The following NCOA2 variants were observed in gnomAD, a reference collection of about 807,000 sequenced individuals.
The protein encoded by NCOA2 is class E basic helix-loop-helix protein 75.
A neutral mutation model predicts 145.1 loss-of-function variants in NCOA2; 21 were observed. The ratio of observed to expected loss-of-function variants is 0.14; its 90% CI spans 0.10 to 0.21. The LOEUF (loss-of-function observed/expected upper bound fraction) is 0.21, where lower values mean the gene tolerates loss of function less well. Ranked by LOEUF, NCOA2 falls within the 10% of genes least tolerant of loss-of-function variation. The pLI is 1.00. For synonymous variants in NCOA2, 619 were observed against 637.5 expected (o/e 0.97, Z 0.44); for missense variants, 1,472 against 1,837.6 (o/e 0.80, Z 3.64).
intron 1 of NCOA2, among the ~76,000 whole-genome samples, chr8:70,389,237 C>G (rs979585051): frequency 6.6e-6 from 1 of 152,118 alleles, no homozygotes; most frequent in Non-Finnish European, 1.5e-5. Flanking sequence ...CAGAGCCACT[C>G]AGTGTGCAAC....
intron 2 of NCOA2, among the ~76,000 whole-genome samples, chr8:70,222,416 T>C (rs1304185342): frequency 6.6e-6 from 1 of 152,218 alleles, no homozygotes; most frequent in East Asian, 1.9e-4. Flanking sequence ...CCTTCTCTTA[T>C]GCTGTGTCTT....
At chr8:70,442,140 A>AAAGAAAGAAAGAAAGAAAGAAAGG in the NCOA2 span, among the ~76,000 whole-genome samples, 11 of 125,198 alleles carry the variant, frequency 8.8e-5, no homozygotes, top group African/African-American at 4.2e-4. Flanking sequence ...AGAAAGAAAG[A>AAAGAAAGAAAGAAAGAAAGAAAGG]AAGAAAGAAA....
intron 11 of NCOA2, among the ~76,000 whole-genome samples, chr8:70,153,900 G>A (rs940964518): frequency 2.0e-5 from 3 of 152,132 alleles, no homozygotes; most frequent in African/African-American, 4.8e-5. Context: ...ATTTGGCTCC[G>A]CTTCCCTTGT....
In NCOA2 at chr8:70,374,694, C is replaced by T. The variant is rs532580447; in HGVS notation, c.-77+29006G>A. Reference sequence around the variant, plus strand: ...GTGTGCACCTATACTCCCAGCTATTCGGGAGGCTGAGGTGGGAAGATCGCT... The same window carrying T: ...GTGTGCACCTATACTCCCAGCTATTTGGGAGGCTGAGGTGGGAAGATCGCT... On this transcript the variant is annotated intron_variant, in intron 1 of 22. Coordinates refer to ENST00000452400, the MANE Select transcript of NCOA2 (RefSeq NM_006540.4). Among the ~76,000 whole-genome samples the T allele has an allele frequency of 1.0e-4, 15 of 150,000 alleles. No homozygotes were observed. The South Asian group carries it at 1.5e-3, about 15-fold the overall frequency.
intron 2 of NCOA2, among the ~76,000 whole-genome samples, chr8:70,221,136 C>T (rs1820099807): frequency 6.6e-6 from 1 of 152,188 alleles, no homozygotes; most frequent in Non-Finnish European, 1.5e-5. Context: ...TCTGAGCTCT[C>T]TTTACGATAG....
At chr8:70,157,761 C>T (rs527840717) in intron 10 of NCOA2, among the ~76,000 whole-genome samples, 10 of 152,306 alleles carry the variant, frequency 6.6e-5, no homozygotes, top group African/African-American at 2.4e-4. Context: ...TCTGCCAGTT[C>T]TAGAACTAAT....
At chr8:70,440,759 GAGGAAAGAA>G in the NCOA2 span, among the ~76,000 whole-genome samples, 2 of 137,904 alleles carry the variant, frequency 1.5e-5, no homozygotes, top group Admixed American at 7.3e-5. Context: ...AAGAGAGAAA[GAGGAAAGAA>G]AGGAAAGAAA....
At chr8:70,240,464 C>T (rs1321593831) in intron 2 of NCOA2, among the ~76,000 whole-genome samples, 3 of 152,134 alleles carry the variant, frequency 2.0e-5, no homozygotes, top group Non-Finnish European at 4.4e-5. Context: ...TGTTTCAGAT[C>T]TCATACTGTA....
intron 2 of NCOA2, among the ~76,000 whole-genome samples, chr8:70,264,843 C>A (rs897239842): frequency 6.6e-6 from 1 of 150,820 alleles, no homozygotes; most frequent in African/African-American, 2.5e-5. Flanking sequence ...CAAAAAAAAA[C>A]CCATAATGTT....
At chr8:70,194,676 CTTT>C (rs199803538) in intron 4 of NCOA2, among the ~76,000 whole-genome samples, 21 of 109,856 alleles carry the variant, frequency 1.9e-4, no homozygotes, top group African/African-American at 3.9e-4. Flanking sequence ...CTTTTATCTT[CTTT>C]TTTTTTTTTT....
chr8:70,297,978 C>A (rs974731962), intron 1 of NCOA2, among the ~76,000 whole-genome samples: 1 of 152,024 alleles, frequency 6.6e-6, no homozygotes, highest in South Asian at 2.1e-4. Context: ...CTACTAGTAA[C>A]GATACTGAAA....
intron 1 of NCOA2, among the ~76,000 whole-genome samples, chr8:70,306,973 G>C (rs762912736): frequency 6.6e-6 from 1 of 152,100 alleles, no homozygotes; most frequent in Non-Finnish European, 1.5e-5. Context: ...AATCCAGGTC[G>C]TTCTGAATTC....
chr8:70,165,770 C>T (rs925871678), intron 7 of NCOA2, among the ~76,000 whole-genome samples: 9 of 152,124 alleles, frequency 5.9e-5, no homozygotes, highest in African/African-American at 2.2e-4. Flanking sequence ...TACATGGATT[C>T]CATTAACCCC....
chr8:70,346,201 C>T lies in NCOA2; in HGVS notation c.-76-49401G>A, dbSNP rs181330381. Among the ~76,000 whole-genome samples the T allele has an allele frequency of 1.7e-3, 261 of 152,294 alleles. 2 individuals carry two copies. Among genetic ancestry groups the T allele is most frequent in the African/African-American group, 5.6e-3 (232 of 41,574 alleles). ...TTTTATCAAGAGTAGAATAATTTCA[C>T]GTGTATCTCCTTCTTTGAAGCCACA... On this transcript the variant is annotated intron_variant, in intron 1 of 22. Transcript: ENST00000452400.
intron 10 of NCOA2, among the ~76,000 whole-genome samples, chr8:70,159,023 G>A (rs1812588044): frequency 6.6e-6 from 1 of 150,834 alleles, no homozygotes; most frequent in Admixed American, 6.6e-5. Context: ...GTTATATGGG[G>A]GACTGGTTCT....
chr8:70,246,271 T>C (rs574997409), intron 2 of NCOA2, among the ~76,000 whole-genome samples: 3 of 152,270 alleles, frequency 2.0e-5, no homozygotes, highest in Non-Finnish European at 4.4e-5. Context: ...TATGGTTTGT[T>C]TCACATTAAA....
rs201704083 is a variant in NCOA2, at chr8:70,274,205, G to GA, written c.-20+22538dup. ...AGGTGGTATAAAGTTCTCATGTTTG[G>GA]AAAAAAAAAAAAAAAAACCTTACAT... On this transcript the variant is annotated intron_variant, in intron 2 of 22. Coordinates refer to ENST00000452400, the MANE Select transcript of NCOA2 (RefSeq NM_006540.4). 7.4e-3 allele frequency among the ~76,000 whole-genome samples: 834 copies of GA among 112,034 alleles called. 1 individual carries two copies. Among genetic ancestry groups the GA allele is most frequent in the Middle Eastern group, 0.013 (3 of 236 alleles). 73.5% of individuals were successfully genotyped at this position (112,034 alleles called of 152,430 possible).
intron 1 of NCOA2, among the ~76,000 whole-genome samples, chr8:70,373,018 T>C (rs536669877): frequency 3.3e-5 from 5 of 152,328 alleles, no homozygotes; most frequent in South Asian, 4.1e-4. Flanking sequence ...ACTCTACCCA[T>C]GGACATTTGA....
At chr8:70,248,025 C>T (rs573356825) in intron 2 of NCOA2, among the ~76,000 whole-genome samples, 4 of 152,294 alleles carry the variant, frequency 2.6e-5, no homozygotes, top group African/African-American at 9.6e-5. Context: ...TTATCATTAG[C>T]AATTTTAAAC....
Sources: gnomAD v4.1 joint callset for allele counts (sites outside exome capture counted in the v4.1 genomes callset) on GRCh38, gnomAD v4.1.1 for gene constraint, MANE v1.5 for transcripts, NCBI Gene and HGNC (gene_info 2026-07-23, HGNC 2026-07-21) for gene names.